The following PIK3C2A variants were observed in gnomAD, a reference collection of about 807,000 sequenced individuals.
The protein encoded by PIK3C2A is phosphatidylinositol 4-phosphate 3-kinase C2 domain-containing subunit alpha.
A neutral mutation model predicts 204.5 loss-of-function variants in PIK3C2A; 97 were observed. The observed-to-expected ratio is 0.47, with a 90% CI of 0.40 to 0.56. The LOEUF is 0.56. Among genes scored for constraint, PIK3C2A ranks in the 20% least tolerant of loss-of-function variants. The probability of loss-of-function intolerance (pLI) is 0.00; values close to 1 mark genes in which losing one functional copy is unlikely to be tolerated. For synonymous variants in PIK3C2A, 653 were observed against 664.4 expected, an observed-to-expected ratio of 0.98 and a Z score of 0.26; for missense variants, 1,735 against 1,969.2, an observed-to-expected ratio of 0.88 and a Z score of 2.25.
chr11:17,093,059 G>T (rs1848354092), intron 28 of PIK3C2A, among the ~76,000 whole-genome samples: 1 of 152,072 alleles, frequency 6.6e-6, no homozygotes, highest in African/African-American at 2.4e-5. Context: ...CACTTATTTT[G>T]GTGGCAGTGG....
chr11:17,097,103 A>T lies in PIK3C2A; in HGVS notation c.4280T>A (p.Val1427Asp). Residue 1427 changes from valine to aspartate, a missense_variant, in exon 27 of 33, where the codon GTC becomes GAC. Around this residue, in one of 6 missense-constraint regions of PIK3C2A, gnomAD observed 503 missense variants for 669.0 expected, o/e 0.75. Coordinates refer to ENST00000691414, the MANE Select transcript of PIK3C2A (RefSeq NM_002645.4). ...SFRQDGRIKE[V>D]SVFTYHKKYN... Reference sequence around the variant, plus strand: ...TTTCTTATGATATGTAAAAACAGAGACTTCCTTGATTCGACCATCTTGTCT... The same window carrying T: ...TTTCTTATGATATGTAAAAACAGAGTCTTCCTTGATTCGACCATCTTGTCT... The T allele has an allele frequency of 6.2e-7, 1 of 1,607,036 alleles. No individual in the cohort carries two copies. Among genetic ancestry groups the T allele is most frequent in the Non-Finnish European group, 8.5e-7 (1 of 1,173,604 alleles).
chr11:17,094,161 C>T (rs1848389790), intron 28 of PIK3C2A, 100 bp downstream of exon 28: 2 of 802,460 alleles, frequency 2.5e-6, no homozygotes, highest in African/African-American at 1.7e-5. Context: ...CACACATGGC[C>T]GATAATATCT....
intron 2 of PIK3C2A, among the ~76,000 whole-genome samples, chr11:17,168,114 A>ACAGC (rs1483521754): frequency 6.6e-6 from 1 of 152,178 alleles, no homozygotes; most frequent in Non-Finnish European, 1.5e-5. Context: ...CCTCTCAGTG[A>ACAGC]CAGCCAGTTC....
intron 20 of PIK3C2A, among the ~76,000 whole-genome samples, chr11:17,113,857 G>A (rs560786527): frequency 4.0e-5 from 6 of 148,252 alleles, no homozygotes; most frequent in South Asian, 4.3e-4. Context: ...CGAGGTGGGC[G>A]AATCACGAGG....
At chr11:17,136,717 C>CTAGTTT in intron 8 of PIK3C2A, 92 bp from the exon 9 acceptor site, 1 of 637,068 alleles carries the variant, frequency 1.6e-6, no homozygotes, top group Non-Finnish European at 2.7e-6. Flanking sequence ...TCTTAGATAT[C>CTAGTTT]CCTAACAGAT....
At chr11:17,134,696 A>G in intron 11 of PIK3C2A, 123 bp downstream of exon 11, 2 of 705,450 alleles carry the variant, frequency 2.8e-6, no homozygotes. Context: ...AGTAGAGATG[A>G]GGTCTCATTG....
chr11:17,108,915 G>T (rs1848912566), intron 22 of PIK3C2A, among the ~76,000 whole-genome samples: 1 of 152,182 alleles, frequency 6.6e-6, no homozygotes, highest in Non-Finnish European at 1.5e-5. Context: ...ACTGGTAAGG[G>T]TGAAGATGGA....
At position 17,155,561 on chromosome 11, in the gene PIK3C2A, AT is replaced by A; in HGVS notation, c.1133del (p.Asn378MetfsTer14). 1 of 1,606,482 alleles carries A rather than the reference AT, an allele frequency of 6.2e-7. No homozygotes were observed. The highest frequency in any genetic ancestry group is 8.5e-7 in the Non-Finnish European group (1 of 1,174,288). On this transcript the variant is annotated frameshift_variant, in exon 3 of 33. Coordinates refer to ENST00000691414, the MANE Select transcript of PIK3C2A (RefSeq NM_002645.4). LOFTEE classifies it high-confidence loss of function. ...SSLLQEVEVQ[N>X]EEMAAFCRSI... Reference sequence around the variant, plus strand: ...ATCGACAAAAAGCTGCCATCTCCTCATTCTGTACTTCAACTTCTTGAAGAAG... The same window carrying A: ...ATCGACAAAAAGCTGCCATCTCCTCATCTGTACTTCAACTTCTTGAAGAAG...
intron 23 of PIK3C2A, among the ~76,000 whole-genome samples, chr11:17,103,642 C>T (rs1848714533): frequency 6.6e-6 from 1 of 152,104 alleles, no homozygotes; most frequent in Admixed American, 6.6e-5. Flanking sequence ...TATACATTAA[C>T]ATATTTAGAA....
At chr11:17,117,371 G>T (rs1322387869) in intron 19 of PIK3C2A, 120 bp downstream of exon 19, 1 of 564,294 alleles carries the variant, frequency 1.8e-6, no homozygotes, top group Non-Finnish European at 3.1e-6. Context: ...CAAATAGCAT[G>T]GGTATAGTTA....
chr11:17,186,667 T>C (rs1157174808), intron 1 of PIK3C2A, among the ~76,000 whole-genome samples: 4 of 152,366 alleles, frequency 2.6e-5, no homozygotes, highest in African/African-American at 7.2e-5. Context: ...AAAATCCATA[T>C]GTATATCTCG....
At position 17,101,779 on chromosome 11, in the gene PIK3C2A, A is replaced by G. The variant is rs1315770252; in HGVS notation, c.3852-345T>C. The stretch of plus-strand genomic sequence containing the variant: ...CCACCACGCCCGGCTAATTTTTTGT[A>G]TTTTTAGTAGAGGCGGGGTTTCACC... On this transcript the variant is annotated intron_variant, in intron 24 of 32. Transcript: ENST00000691414. Among the ~76,000 whole-genome samples the G allele has an allele frequency of 3.3e-5, 5 of 151,398 alleles. No homozygotes were observed. In the South Asian group the frequency reaches 6.3e-4, roughly 19 times the overall value.
rs1211583293 is a variant in PIK3C2A, at chr11:17,117,553, G to A, written c.3154C>T (p.Leu1052Phe). The A allele has an allele frequency of 1.2e-6, 2 of 1,613,808 alleles. No individual in the cohort carries two copies. Among genetic ancestry groups the A allele is most frequent in the South Asian group, 2.2e-5 (2 of 91,066 alleles). Residue 1052 changes from leucine to phenylalanine, a missense_variant, in exon 19 of 33, where the codon CTT becomes TTT. Coordinates refer to ENST00000691414, the MANE Select transcript of PIK3C2A (RefSeq NM_002645.4). ...GCTACTCCTCCTAAAAGCTGTACAA[G>A]TTTCGTCTGTTTTAGAAGTTCTTCT... The part of the protein sequence containing the change: ...LREELLKQTK[L>F]VQLLGGVAEK...
intron 8 of PIK3C2A, among the ~76,000 whole-genome samples, chr11:17,141,013 T>A (rs935709436): frequency 1.3e-5 from 2 of 151,954 alleles, no homozygotes; most frequent in Admixed American, 6.6e-5. Flanking sequence ...GTGGGGAACA[T>A]AACTGGCAGA....
chr11:17,176,595 C>G (rs929116605), intron 1 of PIK3C2A, among the ~76,000 whole-genome samples: 1 of 151,960 alleles, frequency 6.6e-6, no homozygotes, highest in Non-Finnish European at 1.5e-5. Flanking sequence ...TCGAGACCAG[C>G]GTGGGCAACA....
chr11:17,198,778 G>A (rs1852252074), intron 1 of PIK3C2A, among the ~76,000 whole-genome samples: 1 of 149,766 alleles, frequency 6.7e-6, no homozygotes, highest in Non-Finnish European at 1.5e-5. Flanking sequence ...ATCCCAGCCT[G>A]GACAACACAG....
At position 17,101,581 on chromosome 11, in the gene PIK3C2A, T is replaced by A. The variant is rs375774815; in HGVS notation, c.3852-147A>T. On this transcript the variant is annotated intron_variant, in intron 24 of 32. Coordinates refer to ENST00000691414, the MANE Select transcript of PIK3C2A (RefSeq NM_002645.4). ...CACACACTTTTGAATTTCCATAATTTTAAAATAACATTTTTCTTTTTTTTT... is the reference window on the plus strand; with the variant it reads ...CACACACTTTTGAATTTCCATAATTATAAAATAACATTTTTCTTTTTTTTT... The A allele has an allele frequency of 1.6e-5, 7 of 430,024 alleles. No individual in the cohort carries two copies. In the East Asian group the frequency reaches 2.3e-4, roughly 14 times the overall value. The allele number at this position is 430,024 out of a possible 1,614,324, so 26.6% of individuals were successfully genotyped here. A position where few individuals can be genotyped will look rare whatever the true frequency, so the allele number is the denominator to read the frequency against.
intron 13 of PIK3C2A, among the ~76,000 whole-genome samples, chr11:17,126,600 G>A (rs1286898798): frequency 6.6e-6 from 1 of 152,014 alleles, no homozygotes; most frequent in Non-Finnish European, 1.5e-5. Flanking sequence ...TTCTCTACAT[G>A]TACTAATGTA....
chr11:17,141,362 C>A (rs1413805325), intron 8 of PIK3C2A: 1 of 150,936 alleles, frequency 6.6e-6, no homozygotes, highest in African/African-American at 2.4e-5. Flanking sequence ...ACCTCTGCCT[C>A]CCGGTTTCAA....
Sources: allele counts gnomAD v4.1 joint callset (sites outside exome capture counted in the v4.1 genomes callset), GRCh38; gene constraint gnomAD v4.1.1; regional missense constraint gnomAD v4.1.1; transcripts MANE v1.5; gene names NCBI Gene and HGNC (gene_info 2026-07-23, HGNC 2026-07-21).